The following MIDEAS variants were observed in gnomAD, a reference collection of about 807,000 sequenced individuals.
MIDEAS encodes the protein mitotic deacetylase associated SANT domain protein.
A neutral mutation model predicts 102.7 loss-of-function variants in MIDEAS; 26 were observed. The observed-to-expected ratio is 0.25, with a 90% CI of 0.19 to 0.35. MIDEAS has a LOEUF of 0.35. Among genes scored for constraint, MIDEAS ranks in the 10% least tolerant of loss-of-function variants. MIDEAS has a pLI of 1.00. For missense variants in MIDEAS, 1,231 were observed against 1,435.6 expected (o/e 0.86, Z 2.30); for synonymous variants, 585 against 591.0 (o/e 0.99, Z 0.15).
Position 73,719,319 on chromosome 14 carries a change from A to G in MIDEAS, c.3120T>C (p.Cys1040=). The G allele has an allele frequency of 6.2e-7, 1 of 1,603,540 alleles. No individual in the cohort carries two copies. Among genetic ancestry groups the G allele is most frequent in the South Asian group, 1.1e-5 (1 of 90,872 alleles). The change falls in exon 12 of 13, where the codon TGT becomes TGC. Residue 1040 remains cysteine, a synonymous_variant. Coordinates refer to ENST00000423556, the MANE Select transcript of MIDEAS (RefSeq NM_001367710.1). ...GCCCACCTTACCTGCCACATTTTTT[A>G]CAGGGGAAAGTGTTCTCCTGATTCT... ...KTQNQENTFP[C]KKCGRVFYKV...
At chr14:73,722,232 T>C (rs2053004592) in intron 10 of MIDEAS, 1 of 155,414 alleles carries the variant, frequency 6.4e-6, no homozygotes, top group African/African-American at 2.4e-5. Context: ...ACAACCTTGG[T>C]TTTCTATTTA....
chr14:73,746,186 C>T (rs2053349406), intron 1 of MIDEAS, among the ~76,000 whole-genome samples: 1 of 152,224 alleles, frequency 6.6e-6, no homozygotes, highest in African/African-American at 2.4e-5. Flanking sequence ...TGCCTCCCTC[C>T]CCCATAGCCC....
chr14:73,763,546 C>T (rs189401463), upstream of MIDEAS, among the ~76,000 whole-genome samples: 1 of 152,196 alleles, frequency 6.6e-6, no homozygotes, highest in African/African-American at 2.4e-5. Context: ...GTCCTTTTCC[C>T]ACTGTTCCTC....
At chr14:73,727,046 GGAA>G in intron 5 of MIDEAS, 74 bp from the exon 6 acceptor site, 2 of 1,516,936 alleles carry the variant, frequency 1.3e-6, no homozygotes, top group South Asian at 1.3e-5. Flanking sequence ...CCTCAGGGTG[GGAA>G]GAAGATGAGG....
Position 73,738,971 on chromosome 14 carries a change from G to A in MIDEAS, c.1038C>T (p.Ser346=), listed in dbSNP as rs1224833012. The part of the protein sequence containing the change: ...PQVQIPFPRR[S]RRLSKEGILP... ...GGATACCCTCCTTAGAGAGGCGGCG[G>A]GAGCGGCGGGGGAAGGGGATCTGGA... The change falls in exon 2 of 13, where the codon TCC becomes TCT. Residue 346 remains serine (S), a synonymous_variant. Coordinates refer to ENST00000423556, the MANE Select transcript of MIDEAS (RefSeq NM_001367710.1). 7.8e-6 allele frequency: 12 copies of A among 1,532,218 alleles called. No homozygotes were observed. Among genetic ancestry groups the A allele is most frequent in the Non-Finnish European group, 9.6e-6 (11 of 1,141,188 alleles). The allele number at this position is 1,532,218 out of a possible 1,614,324, so 94.9% of individuals were successfully genotyped here.
At position 73,722,823 on chromosome 14, in the gene MIDEAS, A is replaced by G. The variant is rs751390088; in HGVS notation, c.2599T>C (p.Cys867Arg). The change falls in exon 10 of 13, where the codon TGC (cysteine) becomes CGC (arginine). Residue 867 changes from cysteine to arginine, a missense_variant. By Grantham distance (180) the Cys-to-Arg change is radical. Coordinates refer to ENST00000423556, the MANE Select transcript of MIDEAS (RefSeq NM_001367710.1). ...KLIQTKTVAQ[C>R]VEFYYTYKKQ... ...TTGTAGGTGTAGTAGAACTCCACGC[A>G]CTGGGCCACGGTCTTGGTCTGGATC... 1 of 1,614,046 alleles carries G rather than the reference A, an allele frequency of 6.2e-7. No individual in the cohort carries two copies. Among genetic ancestry groups the G allele is most frequent in the African/African-American group, 1.3e-5 (1 of 74,936 alleles).
chr14:73,729,869 G>C lies in MIDEAS; in HGVS notation c.1866C>G (p.Pro622=). 6.2e-7 allele frequency: 1 copy of C among 1,613,850 alleles called. No individual in the cohort carries two copies. The highest frequency in any genetic ancestry group is 8.5e-7 in the Non-Finnish European group (1 of 1,179,874). Residue 622 remains proline (P), a synonymous_variant, in exon 4 of 13, where the codon CCC becomes CCG. Transcript: ENST00000423556. ...PTKAGTFIAP[P]VYSNITPYQS... ...GGTATGGGGTGATGTTGGAGTAGAC[G>C]GGAGGGGCGATGAAAGTGCCCGCCT...
chr14:73,762,489 C>T (rs192731894), upstream of MIDEAS, among the ~76,000 whole-genome samples: 1 of 152,212 alleles, frequency 6.6e-6, no homozygotes, highest in Non-Finnish European at 1.5e-5. Flanking sequence ...AAAAGGGGCA[C>T]ACATGTGTGC....
intron 1 of MIDEAS, among the ~76,000 whole-genome samples, chr14:73,758,504 A>C (rs573358051): frequency 6.6e-6 from 1 of 152,304 alleles, no homozygotes; most frequent in East Asian, 1.9e-4. Flanking sequence ...GGAGCAAGCC[A>C]GACATCCCCT....
At position 73,729,813 on chromosome 14, in the gene MIDEAS, G is replaced by C. The variant is rs2053113876; in HGVS notation, c.1922C>G (p.Ala641Gly). 1.2e-6 allele frequency: 2 copies of C among 1,613,682 alleles called. No homozygotes were observed. The highest frequency in any genetic ancestry group is 3.3e-5 in the Admixed American group (2 of 59,984). The stretch of plus-strand genomic sequence containing the variant: ...AAAGCTCCGCTCAGAGGGGTGGTCA[G>C]CTAGGCGCACGGGAGAGCGCAGGTG... The part of the protein sequence containing the change: ...QSHLRSPVRL[A>G]DHPSERSFEL... The change falls in exon 4 of 13, where the codon GCT (alanine) becomes GGT (glycine). Residue 641 changes from alanine to glycine, a missense_variant. By Grantham distance (60) the Ala-to-Gly change is moderately conservative (BLOSUM62 0). This residue lies in a region of MIDEAS where 758 missense variants were observed against 856.0 expected (regional missense o/e 0.89). Transcript: ENST00000423556.
rs1472781242 is a variant in MIDEAS at position 73,738,972 on chromosome 14, G to A, written c.1037C>T (p.Ser346Phe). Residue 346 changes from serine (S) to phenylalanine (F), a missense_variant, in exon 2 of 13, where the codon TCC becomes TTC. Ser to Phe is a radical substitution (Grantham distance 155). Around this residue, in one of 5 missense-constraint regions of MIDEAS, gnomAD observed 758 missense variants for 856.0 expected, o/e 0.89. Coordinates refer to ENST00000423556, the MANE Select transcript of MIDEAS (RefSeq NM_001367710.1). Reference protein sequence around the residue: ...PQVQIPFPRRSRRLSKEGILP... With the variant: ...PQVQIPFPRRFRRLSKEGILP... ...GATACCCTCCTTAGAGAGGCGGCGG[G>A]AGCGGCGGGGGAAGGGGATCTGGAC... is the stretch of plus-strand genomic sequence containing the variant. The A allele has an allele frequency of 1.3e-6, 2 of 1,532,712 alleles. No individual in the cohort carries two copies. Among genetic ancestry groups the A allele is most frequent in the South Asian group, 2.6e-5 (2 of 77,226 alleles). 94.9% of individuals were successfully genotyped at this position (1,532,712 alleles called of 1,614,324 possible). A position where few individuals can be genotyped will look rare whatever the true frequency, so the allele number is the denominator to read the frequency against.
chr14:73,740,770 C>T (rs941154510), intron 1 of MIDEAS, among the ~76,000 whole-genome samples: 1 of 152,242 alleles, frequency 6.6e-6, no homozygotes, highest in African/African-American at 2.4e-5. Flanking sequence ...CCAGTGCCTC[C>T]TCTGACACTC....
chr14:73,763,443 A>C (rs989584787), upstream of MIDEAS, among the ~76,000 whole-genome samples: 8 of 152,104 alleles, frequency 5.3e-5, no homozygotes, highest in African/African-American at 1.9e-4. Context: ...CCAGGTTCTC[A>C]CCTCCCAGCC....
intron 11 of MIDEAS, among the ~76,000 whole-genome samples, chr14:73,720,658 T>C (rs2052977238): frequency 6.6e-6 from 1 of 152,194 alleles, no homozygotes. Context: ...GGAGCAACTA[T>C]GGCCAGTAGT....
chr14:73,760,576 C>T (rs939031092), upstream of MIDEAS, among the ~76,000 whole-genome samples: 6 of 152,224 alleles, frequency 3.9e-5, no homozygotes, highest in Non-Finnish European at 8.8e-5. This position sits in a 1 kb window ranked among gnomAD's most constrained non-coding sequence, Gnocchi z 4.8. Flanking sequence ...ATTGAGCCTG[C>T]CAGGAAAGTG....
chr14:73,739,322 G>C lies in MIDEAS; in HGVS notation c.687C>G (p.Val229=), dbSNP rs1470901243. 10 of 1,609,192 alleles carry C rather than the reference G, an allele frequency of 6.2e-6. No homozygotes were observed. Among genetic ancestry groups the C allele is most frequent in the Non-Finnish European group, 8.5e-6 (10 of 1,177,838 alleles). The change falls in exon 2 of 13, where the codon GTC becomes GTG. Residue 229 remains valine, a synonymous_variant. Transcript: ENST00000423556. The part of the protein sequence containing the change: ...LAFGHQVNRQ[V]FRQGPPPPNP... ...TTGGGGGCGGTGGGCCCTGCCGGAA[G>C]ACCTGCCGGTTCACCTGGTGGCCGA...
intron 1 of MIDEAS, among the ~76,000 whole-genome samples, chr14:73,749,949 G>C (rs971806480): frequency 6.6e-6 from 1 of 152,094 alleles, no homozygotes; most frequent in Non-Finnish European, 1.5e-5. Flanking sequence ...GCTTGATCCC[G>C]ACATCAAAAC....
At chr14:73,787,452 G>C (rs1355888216), upstream of MIDEAS, 1 of 152,230 alleles carries the variant, frequency 6.6e-6, no homozygotes, top group Non-Finnish European at 1.5e-5. Context: ...CAGCCGCGTC[G>C]TTTCCGCGCC....
intron 3 of MIDEAS, 83 bp from the exon 4 acceptor site, chr14:73,730,068 A>C: frequency 1.9e-5 from 27 of 1,396,012 alleles, no homozygotes; most frequent in Middle Eastern, 1.8e-4. Context: ...TGCCAGTCTC[A>C]CCTTTGGAAC....
Sources: allele counts gnomAD v4.1 joint callset (sites outside exome capture counted in the v4.1 genomes callset), GRCh38; gene constraint gnomAD v4.1.1; regional missense constraint gnomAD v4.1.1; non-coding constraint Gnocchi (gnomAD v3.1); transcripts MANE v1.5; gene names NCBI Gene and HGNC (gene_info 2026-07-23, HGNC 2026-07-21).